KDM4B: variants seen among roughly 807,000 people sequenced by gnomAD.
KDM4B encodes lysine demethylase 4B.
A neutral mutation model predicts 125.2 loss-of-function variants in KDM4B; 32 were observed. The ratio of observed to expected loss-of-function variants is 0.26; its 90% confidence interval spans 0.19 to 0.34. The LOEUF (loss-of-function observed/expected upper bound fraction) is 0.34. KDM4B is among the 10% of genes least tolerant of loss of function. KDM4B has a pLI of 1.00. For missense variants in KDM4B, 1,190 were observed against 1,577.7 expected (o/e 0.75, Z 4.16); for synonymous variants, 721 against 677.9 (o/e 1.06, Z -0.99).
chr19:5,031,888 C>T (rs2036471736), intron 2 of KDM4B, among the ~76,000 whole-genome samples: 1 of 152,208 alleles, frequency 6.6e-6, no homozygotes, highest in African/African-American at 2.4e-5. Flanking sequence ...TTGTTTCCTT[C>T]ACACTCTAGA....
intron 1 of KDM4B, among the ~76,000 whole-genome samples, chr19:4,979,222 A>G (rs112354025): frequency 1.1e-4 from 16 of 152,228 alleles, no homozygotes; most frequent in African/African-American, 3.6e-4. Flanking sequence ...GTTTGAGCCT[A>G]CAGTGAGCCA....
At chr19:5,013,216 G>A (rs1205174538) in intron 1 of KDM4B, among the ~76,000 whole-genome samples, 1 of 152,232 alleles carries the variant, frequency 6.6e-6, no homozygotes, top group Non-Finnish European at 1.5e-5. Flanking sequence ...AGTGCTGAGA[G>A]TGGGGGTGGC....
chr19:5,079,379 G>C (rs2038218859), intron 8 of KDM4B, among the ~76,000 whole-genome samples: 1 of 152,188 alleles, frequency 6.6e-6, no homozygotes. Context: ...GTGGAACGAA[G>C]CCACCAGGAT....
chr19:5,039,937 C>T lies in KDM4B; in HGVS notation c.243C>T (p.Gly81=). 6.2e-7 allele frequency: 1 copy of T among 1,612,998 alleles called. No homozygotes were observed. The highest frequency in any genetic ancestry group is 1.1e-5 in the South Asian group (1 of 91,088). ...PIQQVVTGQS[G]LFTQYNIQKK... ...AGCAGGTGGTGACGGGCCAGTCGGG[C>T]CTCTTCACGCAGTACAATATCCAGA... The change falls in exon 4 of 23, where the codon GGC becomes GGT. Residue 81 remains glycine, a synonymous_variant. Coordinates refer to ENST00000159111, the MANE Select transcript of KDM4B (RefSeq NM_015015.3).
chr19:5,002,158 C>A (rs1281346973), intron 1 of KDM4B, among the ~76,000 whole-genome samples: 2 of 152,166 alleles, frequency 1.3e-5, no homozygotes, highest in East Asian at 3.9e-4. Context: ...CCACCATGTC[C>A]AGCTAATTTT....
intron 1 of KDM4B, among the ~76,000 whole-genome samples, chr19:4,976,305 A>G (rs2034443675): frequency 6.6e-6 from 1 of 151,834 alleles, no homozygotes; most frequent in African/African-American, 2.4e-5. Context: ...AAACTGCAGG[A>G]ATGTGAGAAA....
At chr19:5,051,900 C>T (rs2037237736) in intron 6 of KDM4B, among the ~76,000 whole-genome samples, 1 of 152,240 alleles carries the variant, frequency 6.6e-6, no homozygotes, top group Non-Finnish European at 1.5e-5. Context: ...CGCCCACCCT[C>T]TCCTGCCTCT....
chr19:5,077,571 A>G, intron 8 of KDM4B, 101 bp downstream of exon 8: 1 of 964,546 alleles, frequency 1.0e-6, no homozygotes, highest in Non-Finnish European at 1.6e-6. Flanking sequence ...TTAACCCTGG[A>G]GAAGTTTCTA....
At chr19:4,973,281 C>T (rs374840063) in intron 1 of KDM4B, among the ~76,000 whole-genome samples, 6 of 152,252 alleles carry the variant, frequency 3.9e-5, no homozygotes, top group South Asian at 4.2e-4. Context: ...CTCCGCCTCC[C>T]GGGTTCAAGT....
intron 21 of KDM4B, among the ~76,000 whole-genome samples, chr19:5,150,106 G>A (rs1007604736): frequency 6.6e-5 from 10 of 152,230 alleles, no homozygotes; most frequent in East Asian, 3.8e-4. Context: ...TGGAAGCTGC[G>A]GGGCCCTGCC....
chr19:4,971,989 T>C lies in KDM4B; in HGVS notation c.-109+2759T>C, dbSNP rs1162750583. On this transcript the variant is annotated intron_variant, in intron 1 of 22. Transcript: ENST00000159111. This position sits in a 1 kb window ranked among gnomAD's most constrained non-coding sequence, Gnocchi z 4.1. Reference sequence around the variant, plus strand: ...CGCAGGCCTGCACTGGTCACCGCCATGACAGATCGGCCGTCCTCATCCACA... The same window carrying C: ...CGCAGGCCTGCACTGGTCACCGCCACGACAGATCGGCCGTCCTCATCCACA... Among the ~76,000 whole-genome samples the C allele has an allele frequency of 6.6e-6, 1 of 152,096 alleles. No individual in the cohort carries two copies. Among genetic ancestry groups the C allele is most frequent in the Non-Finnish European group, 1.5e-5 (1 of 68,004 alleles).
chr19:5,107,057 C>T (rs1425961303), intron 9 of KDM4B, among the ~76,000 whole-genome samples: 2 of 152,334 alleles, frequency 1.3e-5, no homozygotes, highest in Non-Finnish European at 2.9e-5. Context: ...CCTGAGTCCC[C>T]ACCTCCTGGT....
chr19:5,146,907 C>T (rs1195974113), intron 21 of KDM4B, among the ~76,000 whole-genome samples: 1 of 140,260 alleles, frequency 7.1e-6, no homozygotes, highest in Non-Finnish European at 1.5e-5. Context: ...AGCCACTGTA[C>T]TCCAGCTTGG....
At chr19:5,053,783 G>A (rs1214270449) in intron 6 of KDM4B, among the ~76,000 whole-genome samples, 4 of 152,368 alleles carry the variant, frequency 2.6e-5, no homozygotes, top group African/African-American at 9.6e-5. Context: ...CAGCTGCTAC[G>A]CCTGAGTAGT....
In KDM4B at chr19:5,137,192, C is replaced by G. The variant is rs553825973; in HGVS notation, c.2309-70C>G. The G allele has an allele frequency of 9.5e-6, 11 of 1,160,814 alleles. No individual in the cohort carries two copies. The South Asian group carries it at 1.3e-4, about 14-fold the overall frequency. The allele number at this position is 1,160,814 out of a possible 1,614,324, so 71.9% of individuals were successfully genotyped here. A position where few individuals can be genotyped will look rare whatever the true frequency, so the allele number is the denominator to read the frequency against. On this transcript the variant is annotated intron_variant, in intron 15 of 22. Transcript: ENST00000159111. ...GCCCCCAAGTTACCCGGCCCCTCCC[C>G]CTGAGTTTCACTCGGCTCCCCAAGT...
In KDM4B at chr19:5,135,413, C is replaced by T; in HGVS notation, c.2160C>T (p.Ser720=). ...GCCCGGCCACATTACCCTCCAAAAG[C>T]CGTCAGAAGACCCGACCGCTCATCC... ...EGCPATLPSK[S]RQKTRPLIPE... Residue 720 remains serine (S), a synonymous_variant, in exon 15 of 23, where the codon AGC becomes AGT. Transcript: ENST00000159111. 5 of 1,613,718 alleles carry T rather than the reference C, an allele frequency of 3.1e-6. No homozygotes were observed. The highest frequency in any genetic ancestry group is 3.4e-6 in the Non-Finnish European group (4 of 1,180,002).
intron 18 of KDM4B, chr19:5,140,786 C>T (rs2039728105): frequency 6.6e-6 from 1 of 152,134 alleles, no homozygotes; most frequent in Non-Finnish European, 1.5e-5. Context: ...GGGCCGCGTC[C>T]CCACTAAGGG....
intron 2 of KDM4B, among the ~76,000 whole-genome samples, chr19:5,022,700 A>G (rs562613233): frequency 7.8e-4 from 118 of 151,996 alleles, no homozygotes; most frequent in Non-Finnish European, 1.5e-3. Context: ...TTGGTGTTGC[A>G]GGGGAGCTGG....
chr19:5,029,064 C>T (rs2036370314), intron 2 of KDM4B, among the ~76,000 whole-genome samples: 1 of 152,174 alleles, frequency 6.6e-6, no homozygotes. Context: ...GTGCAGACCG[C>T]CACACCTGGC....
Sources: gnomAD v4.1 joint callset for allele counts (sites outside exome capture counted in the v4.1 genomes callset) on GRCh38, gnomAD v4.1.1 for gene constraint, Gnocchi (gnomAD v3.1) non-coding constraint, MANE v1.5 for transcripts, NCBI Gene and HGNC (gene_info 2026-07-23, HGNC 2026-07-21) for gene names.